Variants in FAM149A observed in about 807,000 individuals in gnomAD.
The protein encoded by FAM149A is protein FAM149A.
Under a neutral mutation model 78.2 loss-of-function variants are expected in FAM149A, and 71 were observed. The observed-to-expected ratio is 0.91, with a 90% CI of 0.75 to 1.11. The LOEUF (loss-of-function observed/expected upper bound fraction) is 1.11, where lower values mean the gene tolerates loss of function less well. Ranked by LOEUF, FAM149A falls within the 50% of genes least tolerant of loss-of-function variation. FAM149A has a pLI of 0.00. For missense variants in FAM149A, 1,036 were observed against 971.0 expected (o/e 1.07, Z -0.89); for synonymous variants, 446 against 410.5 (o/e 1.09, Z -1.04).
At chr4:186,110,253 G>A in intron 1 of FAM149A, 14 of 985,336 alleles carry the variant, frequency 1.4e-5, no homozygotes, top group Non-Finnish European at 1.6e-5. Flanking sequence ...TGTCTTTCTT[G>A]AAGAATAATT....
intron 1 of FAM149A, chr4:186,109,311 C>T (rs1579757365): frequency 1.9e-5 from 11 of 571,738 alleles, no homozygotes; most frequent in South Asian, 7.6e-5. Flanking sequence ...TATATTCACT[C>T]TTTTTTTTTT....
intron 8 of FAM149A, chr4:186,157,932 G>A (rs1037212271): frequency 3.3e-6 from 5 of 1,529,996 alleles, no homozygotes; most frequent in Admixed American, 2.0e-5. Flanking sequence ...TATGAAGGAC[G>A]AGGATGTGCT....
intron 13 of FAM149A, chr4:186,169,202 T>A (rs1735324665): frequency 3.0e-6 from 3 of 984,490 alleles, no homozygotes; most frequent in African/African-American, 1.7e-5. Context: ...ATCAGTAACT[T>A]TTTTTCCTTT....
At chr4:186,168,494 T>G (rs1443405449) in intron 13 of FAM149A, among the ~76,000 whole-genome samples, 1 of 152,184 alleles carries the variant, frequency 6.6e-6, no homozygotes, top group African/African-American at 2.4e-5. Flanking sequence ...TAGCTGGGAT[T>G]ACAGGCACAT....
Position 186,105,573 on chromosome 4 carries a change from C to T in FAM149A, c.497C>T (p.Thr166Ile). ...GTGGCCCCCGGGGCTGGCCCCAGAA[C>T]CCTGTTCCTTACGCTGCCTGACATC... The change falls in exon 1 of 14, where the codon ACC (threonine) becomes ATC (isoleucine). Residue 166 changes from threonine (T) to isoleucine (I), a missense_variant. This residue lies in a region of FAM149A where 316 missense variants were observed against 241.9 expected (regional missense o/e 1.31). Coordinates refer to ENST00000389354, the MANE Select transcript of FAM149A (RefSeq NM_001367768.3). 1 of 1,092,662 alleles carries T rather than the reference C, an allele frequency of 9.2e-7. No individual in the cohort carries two copies. Among genetic ancestry groups the T allele is most frequent in the Non-Finnish European group, 1.1e-6 (1 of 892,850 alleles). The allele number at this position is 1,092,662 out of a possible 1,614,324, so 67.7% of individuals were successfully genotyped here.
chr4:186,165,239 T>G (rs2126536716), intron 10 of FAM149A, 105 bp from the exon 11 acceptor site: 1 of 1,261,938 alleles, frequency 7.9e-7, no homozygotes, highest in African/African-American at 1.5e-5. Context: ...ACCTCCTGTG[T>G]GCCCCTCACG....
chr4:186,157,966 A>G (rs1041865545), intron 8 of FAM149A: 2 of 1,514,834 alleles, frequency 1.3e-6, no homozygotes, highest in African/African-American at 2.7e-5. Context: ...GTAGGAGCCC[A>G]CGCAGGCGGC....
At chr4:186,128,496 A>C (rs539089167) in intron 1 of FAM149A, among the ~76,000 whole-genome samples, 1 of 151,860 alleles carries the variant, frequency 6.6e-6, no homozygotes, top group African/African-American at 2.4e-5. Flanking sequence ...CAAAAAGAGC[A>C]ACGGAACCTT....
At chr4:186,157,473 A>G in intron 7 of FAM149A, 92 bp from the exon 8 acceptor site, 2 of 1,334,540 alleles carry the variant, frequency 1.5e-6, no homozygotes, top group Non-Finnish European at 2.1e-6. Flanking sequence ...GTGGTAGCTC[A>G]AGCACACATA....
intron 1 of FAM149A, chr4:186,117,876 AG>A: frequency 1.0e-6 from 1 of 978,500 alleles, no homozygotes; most frequent in Non-Finnish European, 1.2e-6. Context: ...AAATCTCCCA[AG>A]ACCGGCAACA....
intron 13 of FAM149A, chr4:186,169,775 A>G (rs1187619063): frequency 2.0e-6 from 2 of 985,266 alleles, no homozygotes; most frequent in African/African-American, 3.5e-5. Context: ...AACACGTGCA[A>G]TCACATATGG....
chr4:186,137,437 C>T (rs370890623), intron 1 of FAM149A, among the ~76,000 whole-genome samples: 8 of 152,064 alleles, frequency 5.3e-5, no homozygotes, highest in East Asian at 1.9e-4. Flanking sequence ...GTGCATGGTA[C>T]GCACTTTCTG....
rs1735606343 is a variant in FAM149A at position 186,172,440 on chromosome 4, A to G, written c.*453A>G. The G allele has an allele frequency of 8.9e-6, 1 of 112,706 alleles. No homozygotes were observed. The highest frequency in any genetic ancestry group is 2.8e-5 in the African/African-American group (1 of 35,852). 7.0% of individuals were successfully genotyped at this position (112,706 alleles called of 1,614,324 possible). ...GCTAGTAGATATTAGTATTTGAGACAATATGTCAGAGTCTGAATAAGACTC... is the reference window on the plus strand; with the variant it reads ...GCTAGTAGATATTAGTATTTGAGACGATATGTCAGAGTCTGAATAAGACTC... On this transcript the variant is annotated 3_prime_UTR_variant, in exon 14 of 14. Transcript: ENST00000389354.
rs112433673 is a variant in FAM149A, at chr4:186,149,110, T to A, written c.567-63T>A. ...TTGTATAAAAGAGAAATTTTAAAAG[T>A]CTTAATGAATAAAACTATATTATTA... On this transcript the variant is annotated intron_variant, in intron 1 of 13. Coordinates refer to ENST00000389354, the MANE Select transcript of FAM149A (RefSeq NM_001367768.3). 9.4e-5 allele frequency: 114 copies of A among 1,213,778 alleles called. 4 individuals carry two copies. In the African/African-American group the frequency reaches 1.3e-3, roughly 13 times the overall value. 75.2% of individuals were successfully genotyped at this position (1,213,778 alleles called of 1,614,324 possible).
chr4:186,131,998 G>A, intron 1 of FAM149A: 1 of 985,424 alleles, frequency 1.0e-6, no homozygotes, highest in South Asian at 4.7e-5. Context: ...AATGGGTTTA[G>A]CTTCTGTTCT....
In FAM149A at chr4:186,165,421, C is replaced by A. The variant is rs1047252698; in HGVS notation, c.1967C>A (p.Thr656Asn). The change falls in exon 11 of 14, where the codon ACC becomes AAC. Residue 656 changes from threonine (T) to asparagine (N), a missense_variant. Physicochemically the swap from Thr to Asn is moderately conservative, Grantham distance 65. Transcript: ENST00000389354. The stretch of plus-strand genomic sequence containing the variant: ...AGGTTCCCCCCGCTAGTCACGGAGA[C>A]CAGGGGGCAGAATACAGCAGTTCCT... 4 of 1,614,082 alleles carry A rather than the reference C, an allele frequency of 2.5e-6. No individual in the cohort carries two copies. The highest frequency in any genetic ancestry group is 3.4e-6 in the Non-Finnish European group (4 of 1,179,940).
At chr4:186,136,390 G>T (rs1296607285) in intron 1 of FAM149A, among the ~76,000 whole-genome samples, 2 of 152,068 alleles carry the variant, frequency 1.3e-5, no homozygotes, top group African/African-American at 4.8e-5. Flanking sequence ...CAATATATTA[G>T]GTTGAAACAA....
At chr4:186,138,007 G>C (rs568155805) in intron 1 of FAM149A, among the ~76,000 whole-genome samples, 1 of 152,244 alleles carries the variant, frequency 6.6e-6, no homozygotes, top group South Asian at 2.1e-4. Context: ...TTACCAACTT[G>C]TAAAATATAT....
intron 1 of FAM149A, chr4:186,131,862 C>G (rs2099320872): frequency 1.0e-6 from 1 of 981,202 alleles, no homozygotes; most frequent in African/African-American, 1.7e-5. Flanking sequence ...AAATTAAGAA[C>G]TTCTGTTAAT....
Sources: gnomAD v4.1 joint callset for allele counts (sites outside exome capture counted in the v4.1 genomes callset) on GRCh38, gnomAD v4.1.1 for gene constraint, gnomAD v4.1.1 regional missense constraint, MANE v1.5 for transcripts, NCBI Gene and HGNC (gene_info 2026-07-23, HGNC 2026-07-21) for gene names.